The following RYR2 variants were observed in gnomAD, a reference collection of about 807,000 sequenced individuals.
RYR2 encodes the protein cardiac muscle ryanodine receptor-calcium release channel.
Under a neutral mutation model 601.1 loss-of-function variants are expected in RYR2, and 227 were observed. The ratio of observed to expected loss-of-function variants is 0.38; its 90% CI spans 0.34 to 0.42. RYR2 has a LOEUF of 0.42. RYR2 is among the 10% of genes least tolerant of loss of function. The probability of loss-of-function intolerance (pLI) is 1.00; values close to 1 mark genes in which losing one functional copy is unlikely to be tolerated. For missense variants in RYR2, 4,646 were observed against 6,156.5 expected (o/e 0.75, Z 8.21); for synonymous variants, 2,223 against 2,175.1 (o/e 1.02, Z -0.61).
intron 71 of RYR2, among the ~76,000 whole-genome samples, chr1:237,712,807 AT>A (rs1314389905): frequency 6.6e-6 from 1 of 152,136 alleles, no homozygotes; most frequent in Non-Finnish European, 1.5e-5. Context: ...CATTTAAAGC[AT>A]TTTAAAGGGG....
At chr1:237,661,461 G>A (rs553229914) in intron 56 of RYR2, among the ~76,000 whole-genome samples, 10 of 152,162 alleles carry the variant, frequency 6.6e-5, no homozygotes, top group South Asian at 2.1e-4. Flanking sequence ...AAACCTGCAC[G>A]TTCTGCACAT....
chr1:237,456,546 A>G, intron 15 of RYR2, 54 bp from the exon 16 acceptor site: 1 of 1,442,836 alleles, frequency 6.9e-7, no homozygotes, highest in Middle Eastern at 1.9e-4. Flanking sequence ...GTCTGTAAGC[A>G]GAATGACAGT....
At chr1:237,815,338 C>G (rs1029276572) in intron 100 of RYR2, among the ~76,000 whole-genome samples, 32 of 152,176 alleles carry the variant, frequency 2.1e-4, no homozygotes, top group African/African-American at 7.2e-4. Flanking sequence ...AGCTGAAAGC[C>G]TGACAGCCAT....
At chr1:237,451,151 C>T (rs988415383) in intron 14 of RYR2, among the ~76,000 whole-genome samples, 2 of 152,090 alleles carry the variant, frequency 1.3e-5, no homozygotes, top group Admixed American at 6.6e-5. Flanking sequence ...AATCCCAGCA[C>T]TTTGGGAGGC....
intron 12 of RYR2, among the ~76,000 whole-genome samples, chr1:237,432,845 T>C (rs1407629470): frequency 6.6e-6 from 1 of 151,786 alleles, no homozygotes; most frequent in Non-Finnish European, 1.5e-5. Flanking sequence ...GATAACTTAC[T>C]TCCTTTAGAA....
At chr1:237,126,226 G>T (rs1671401097) in intron 1 of RYR2, among the ~76,000 whole-genome samples, 1 of 138,990 alleles carries the variant, frequency 7.2e-6, no homozygotes, top group African/African-American at 2.7e-5. Flanking sequence ...CACAGAGTAA[G>T]ACTCTGTCTC....
chr1:237,608,145 G>A (rs897706678), intron 35 of RYR2, among the ~76,000 whole-genome samples: 79 of 152,150 alleles, frequency 5.2e-4, no homozygotes, highest in Non-Finnish European at 1.5e-4. Context: ...TAGAGAGTGG[G>A]AAGAGATGGC....
intron 34 of RYR2, among the ~76,000 whole-genome samples, chr1:237,597,338 A>T (rs565938834): frequency 2.5e-4 from 38 of 151,244 alleles, no homozygotes; most frequent in African/African-American, 9.0e-4. Context: ...TTGCCAGGTA[A>T]TGGTGGGATC....
At chr1:237,548,852 C>T (rs1013166140) in intron 26 of RYR2, among the ~76,000 whole-genome samples, 2 of 152,118 alleles carry the variant, frequency 1.3e-5, no homozygotes, top group South Asian at 2.1e-4. Context: ...TGGTATTTCT[C>T]TCTCTGAGAC....
At chr1:237,586,615 A>G (rs911293941) in intron 29 of RYR2, among the ~76,000 whole-genome samples, 4 of 151,916 alleles carry the variant, frequency 2.6e-5, no homozygotes, top group Non-Finnish European at 5.9e-5. Flanking sequence ...TTAGATGTTA[A>G]CTCTTCTACA....
intron 16 of RYR2, among the ~76,000 whole-genome samples, chr1:237,459,418 AAAG>A (rs1185983573): frequency 6.6e-6 from 1 of 152,190 alleles, no homozygotes; most frequent in Non-Finnish European, 1.5e-5. Flanking sequence ...AAATTTTAAA[AAAG>A]AAGAATTTCA....
rs1321283106 is a variant in RYR2 at position 237,640,982 on chromosome 1, C to G, written c.7201C>G (p.Arg2401Gly). Residue 2401 changes from arginine (R) to glycine (G), a missense_variant, in exon 47 of 105, where the codon CGC (arginine) becomes GGC (glycine). Around this residue, in one of 17 missense-constraint regions of RYR2, gnomAD observed 1,497 missense variants for 1,842.6 expected, o/e 0.81. Coordinates refer to ENST00000366574, the MANE Select transcript of RYR2 (RefSeq NM_001035.3). ...FYSALIDLLG[R>G]CAPEMHLIHA... ...TTCAGCTTTGATTGACCTCTTGGGA[C>G]GCTGTGCTCCTGAGATGCATGTGAG... 6.2e-7 allele frequency: 1 copy of G among 1,612,304 alleles called. No individual in the cohort carries two copies. The highest frequency in any genetic ancestry group is 1.7e-5 in the Admixed American group (1 of 59,856).
In RYR2 at chr1:237,660,903, A is replaced by G. The variant is rs1275797500; in HGVS notation, c.8392A>G (p.Met2798Val). The change falls in exon 56 of 105, where the codon ATG becomes GTG. Residue 2798 changes from methionine (M) to valine (V), a missense_variant. By Grantham distance (21) the Met-to-Val change is conservative. Around this residue, in one of 17 missense-constraint regions of RYR2, gnomAD observed 1,497 missense variants for 1,842.6 expected, o/e 0.81. Transcript: ENST00000366574. ...TGAAAGAACTCGGGAGGGAGACAGC[A>G]TGGCCCTTTACAACCGGACTCGTCG... Reference protein sequence around the residue: ...RIERTREGDSMALYNRTRRIS... With the variant: ...RIERTREGDSVALYNRTRRIS... The G allele has an allele frequency of 2.0e-6, 3 of 1,522,244 alleles. No individual in the cohort carries two copies. The highest frequency in any genetic ancestry group is 2.7e-6 in the Non-Finnish European group (3 of 1,131,490). 94.3% of individuals were successfully genotyped at this position (1,522,244 alleles called of 1,614,324 possible).
At position 237,700,715 on chromosome 1, in the gene RYR2, A is replaced by C. The variant is rs371070554; in HGVS notation, c.9367+248A>C. 4.6e-5 allele frequency among the ~76,000 whole-genome samples: 7 copies of C among 152,300 alleles called. No homozygotes were observed. The East Asian group carries it at 1.4e-3, about 29-fold the overall frequency. ...ACTGGTTATAGAAAATGACTTCCACATTGTTGAAGTTTCCAAATGATCACT... is the reference window on the plus strand; with the variant it reads ...ACTGGTTATAGAAAATGACTTCCACCTTGTTGAAGTTTCCAAATGATCACT... On this transcript the variant is annotated intron_variant, in intron 65 of 104. Coordinates refer to ENST00000366574, the MANE Select transcript of RYR2 (RefSeq NM_001035.3).
At chr1:237,782,178 C>T (rs1454930547) in intron 89 of RYR2, among the ~76,000 whole-genome samples, 3 of 119,134 alleles carry the variant, frequency 2.5e-5, no homozygotes, top group Non-Finnish European at 5.1e-5. Context: ...TTTGTTATTG[C>T]TTTTTTTTTT....
At chr1:237,124,824 C>A (rs1671233364) in intron 1 of RYR2, among the ~76,000 whole-genome samples, 1 of 152,194 alleles carries the variant, frequency 6.6e-6, no homozygotes, top group African/African-American at 2.4e-5. Context: ...CCCATCCCAT[C>A]TCCCCACCTT....
At chr1:237,641,237 A>G (rs781053866) in intron 47 of RYR2, among the ~76,000 whole-genome samples, 1 of 152,248 alleles carries the variant, frequency 6.6e-6, no homozygotes, top group Non-Finnish European at 1.5e-5. Flanking sequence ...AGTTACTCAT[A>G]TATCTCTGAA....
At chr1:237,342,509 T>G (rs1697912128) in intron 3 of RYR2, among the ~76,000 whole-genome samples, 1 of 152,080 alleles carries the variant, frequency 6.6e-6, no homozygotes, top group Non-Finnish European at 1.5e-5. Context: ...ATACACTTTT[T>G]TGCAAGTAAT....
intron 33 of RYR2, among the ~76,000 whole-genome samples, 178 bp from the exon 34 acceptor site, chr1:237,595,320 G>T (rs556459693): frequency 6.6e-6 from 1 of 152,216 alleles, no homozygotes; most frequent in African/African-American, 2.4e-5. Context: ...GATTCAGAAC[G>T]TCCACTGCAG....
Sources: allele counts gnomAD v4.1 joint callset (sites outside exome capture counted in the v4.1 genomes callset), GRCh38; gene constraint gnomAD v4.1.1; regional missense constraint gnomAD v4.1.1; transcripts MANE v1.5; gene names NCBI Gene and HGNC (gene_info 2026-07-23, HGNC 2026-07-21).